SENP6: variants seen among roughly 807,000 people sequenced by gnomAD.
The protein encoded by SENP6 is SUMO specific peptidase 6.
In SENP6, 41 loss-of-function variants were observed where a neutral mutation model predicts 134.5. That is an observed-to-expected ratio of 0.30 (90% CI 0.24 to 0.40). The LOEUF is 0.40. SENP6 is among the 10% of genes least tolerant of loss of function. SENP6 has a pLI of 1.00. For synonymous variants in SENP6, 395 were observed against 429.8 expected (o/e 0.92, Z 1.00); for missense variants, 1,248 against 1,312.5 (o/e 0.95, Z 0.76).
At chr6:75,655,102 C>T (rs950603652) in intron 7 of SENP6, 1 of 152,226 alleles carries the variant, frequency 6.6e-6, no homozygotes, top group Non-Finnish European at 1.5e-5. Context: ...AGCACAGCTA[C>T]TTGTATACCC....
At chr6:75,619,157 C>A (rs1206980679) in intron 1 of SENP6, among the ~76,000 whole-genome samples, 1 of 151,948 alleles carries the variant, frequency 6.6e-6, no homozygotes, top group African/African-American at 2.4e-5. Flanking sequence ...GTGCAGCCAC[C>A]ACCAATATTT....
chr6:75,602,340 C>G lies in SENP6; in HGVS notation c.-185C>G. 1.8e-6 allele frequency: 1 copy of G among 562,618 alleles called. No individual in the cohort carries two copies. The highest frequency in any genetic ancestry group is 3.0e-6 in the Non-Finnish European group (1 of 337,098). The allele number at this position is 562,618 out of a possible 1,614,324, so 34.9% of individuals were successfully genotyped here. On this transcript the variant is annotated 5_prime_UTR_variant, in exon 1 of 24. Coordinates refer to ENST00000447266, the MANE Select transcript of SENP6 (RefSeq NM_015571.4). ...GCTGCCCGCCAGCCCGCGGACAGGC[C>G]CGGGCGCGCCTGGCCTGCCTTTGTA... is the stretch of plus-strand genomic sequence containing the variant.
At chr6:75,671,788 G>A (rs1772697771) in intron 11 of SENP6, among the ~76,000 whole-genome samples, 2 of 152,084 alleles carry the variant, frequency 1.3e-5, no homozygotes, top group Admixed American at 1.3e-4. Context: ...ATTATTTAAT[G>A]TAATGAATAA....
intron 9 of SENP6, among the ~76,000 whole-genome samples, chr6:75,665,094 G>C (rs893569639): frequency 3.9e-5 from 6 of 152,096 alleles, no homozygotes; most frequent in Non-Finnish European, 8.8e-5. Flanking sequence ...AGACCATCCT[G>C]GTTAACACGG....
chr6:75,676,402 A>G (rs1773088515), intron 13 of SENP6, among the ~76,000 whole-genome samples: 1 of 152,176 alleles, frequency 6.6e-6, no homozygotes, highest in Non-Finnish European at 1.5e-5. Flanking sequence ...ATAAATCTGG[A>G]AATCTTGAAA....
chr6:75,603,091 C>A (rs930837290), intron 1 of SENP6, among the ~76,000 whole-genome samples: 2 of 152,080 alleles, frequency 1.3e-5, no homozygotes, highest in Non-Finnish European at 2.9e-5. Flanking sequence ...CTGGCCTTGT[C>A]TGATATTCTT....
chr6:75,707,355 C>CTTTTTTTTTTTTTTTTTTTTT (rs10564996), intron 19 of SENP6, among the ~76,000 whole-genome samples: 1 of 74,692 alleles, frequency 1.3e-5, no homozygotes. Flanking sequence ...TCTTCTTCTT[C>CTTTTTTTTTTTTTTTTTTTTT]TTTTTTTTTT....
chr6:75,603,160 G>GT (rs1471496973), intron 1 of SENP6, among the ~76,000 whole-genome samples: 1 of 152,118 alleles, frequency 6.6e-6, no homozygotes, highest in East Asian at 1.9e-4. Context: ...AAAGAGTAAG[G>GT]TTTACAGTGT....
At chr6:75,687,737 G>A (rs1000723287) in intron 16 of SENP6, among the ~76,000 whole-genome samples, 1 of 152,162 alleles carries the variant, frequency 6.6e-6, no homozygotes, top group Non-Finnish European at 1.5e-5. Context: ...CTGCAGAACA[G>A]CAAATATTGC....
chr6:75,629,851 A>G (rs1346998391), intron 3 of SENP6, among the ~76,000 whole-genome samples: 1 of 152,190 alleles, frequency 6.6e-6, no homozygotes, highest in Non-Finnish European at 1.5e-5. Context: ...ACCTGGGAGC[A>G]TAGATTTAGG....
At chr6:75,643,147 A>C (rs1336096458) in intron 6 of SENP6, among the ~76,000 whole-genome samples, 1 of 152,238 alleles carries the variant, frequency 6.6e-6, no homozygotes, top group East Asian at 1.9e-4. Flanking sequence ...GTTGTATAAA[A>C]ATAGGAGAAA....
rs775946508 is a variant in SENP6, at chr6:75,693,881, A to T, written c.2076-1923A>T. Among the ~76,000 whole-genome samples the T allele has an allele frequency of 2.0e-5, 3 of 152,210 alleles. No individual in the cohort carries two copies. The South Asian group carries it at 6.2e-4, about 31-fold the overall frequency. The stretch of plus-strand genomic sequence containing the variant: ...TTTGGATCATAAATAAATTTAATAT[A>T]TCATAATTTCCCTTTGTGATATAAA... On this transcript the variant is annotated intron_variant, in intron 16 of 23. Transcript: ENST00000447266.
intron 18 of SENP6, among the ~76,000 whole-genome samples, chr6:75,701,000 C>G (rs1211552419): frequency 6.6e-6 from 1 of 152,150 alleles, no homozygotes; most frequent in Non-Finnish European, 1.5e-5. Context: ...CTTCGCAATA[C>G]AGAAGATGAA....
At chr6:75,658,167 G>C (rs1315333109) in intron 7 of SENP6, among the ~76,000 whole-genome samples, 1 of 152,040 alleles carries the variant, frequency 6.6e-6, no homozygotes, top group East Asian at 1.9e-4. Flanking sequence ...GAAGGGACAA[G>C]GAGTAGTCAT....
At chr6:75,630,923 A>C (rs1313791204) in intron 3 of SENP6, among the ~76,000 whole-genome samples, 2 of 150,586 alleles carry the variant, frequency 1.3e-5, no homozygotes, top group African/African-American at 4.8e-5. Context: ...GGAATGAAGA[A>C]GTATATCTCT....
chr6:75,628,165 T>C (rs1461039187), intron 3 of SENP6, among the ~76,000 whole-genome samples: 1 of 152,174 alleles, frequency 6.6e-6, no homozygotes, highest in Non-Finnish European at 1.5e-5. Flanking sequence ...TTAGAAATTT[T>C]ATATTGTGCC....
At chr6:75,673,801 A>T (rs1216599745) in intron 11 of SENP6, among the ~76,000 whole-genome samples, 2 of 151,928 alleles carry the variant, frequency 1.3e-5, no homozygotes, top group Non-Finnish European at 2.9e-5. Flanking sequence ...CAGGTGGATC[A>T]CTTGAAGTCA....
intron 6 of SENP6, among the ~76,000 whole-genome samples, chr6:75,641,601 TG>T (rs1770032629): frequency 6.6e-6 from 1 of 152,212 alleles, no homozygotes; most frequent in Admixed American, 6.5e-5. Flanking sequence ...ATAAATGGCA[TG>T]GAAAAGTGTT....
chr6:75,605,612 G>A (rs770653302), intron 1 of SENP6, among the ~76,000 whole-genome samples: 16 of 152,122 alleles, frequency 1.1e-4, no homozygotes, highest in Non-Finnish European at 2.1e-4. Flanking sequence ...ATGGCAGAGG[G>A]GATGCGTGTA....
Sources: gnomAD v4.1 joint callset for allele counts (sites outside exome capture counted in the v4.1 genomes callset) on GRCh38, gnomAD v4.1.1 for gene constraint, MANE v1.5 for transcripts, NCBI Gene and HGNC (gene_info 2026-07-23, HGNC 2026-07-21) for gene names.